Variants in HTT observed in about 807,000 individuals in gnomAD.
HTT encodes huntington disease protein.
HTT carries 104 observed loss-of-function variants against 362.3 expected under a neutral mutation model. The ratio of observed to expected loss-of-function variants is 0.29; its 90% CI spans 0.24 to 0.34. The LOEUF (loss-of-function observed/expected upper bound fraction) is 0.34. HTT is among the 10% of genes least tolerant of loss of function. The pLI is 1.00. For missense variants in HTT, 3,301 were observed against 3,928.6 expected, an observed-to-expected ratio of 0.84 and a Z score of 4.27; for synonymous variants, 1,577 against 1,548.7, an observed-to-expected ratio of 1.02 and a Z score of -0.43.
At chr4:3,153,893 G>A (rs1297493976) in intron 26 of HTT, among the ~76,000 whole-genome samples, 3 of 151,998 alleles carry the variant, frequency 2.0e-5, no homozygotes, top group Non-Finnish European at 4.4e-5. Flanking sequence ...CCCATCCTGG[G>A]TGACGAGTGA....
intron 1 of HTT, among the ~76,000 whole-genome samples, chr4:3,076,798 G>T (rs1432829398): frequency 6.6e-6 from 1 of 152,112 alleles, no homozygotes; most frequent in Non-Finnish European, 1.5e-5. Flanking sequence ...CAAAATATGG[G>T]TATCAAGAAA....
At chr4:3,095,922 G>A (rs963679262) in intron 2 of HTT, among the ~76,000 whole-genome samples, 1 of 152,170 alleles carries the variant, frequency 6.6e-6, no homozygotes, top group Non-Finnish European at 1.5e-5. Flanking sequence ...ACATGTAAAA[G>A]GCAGCGATTT....
rs1718462865 is a variant in HTT, at chr4:3,180,500, CT to C, written c.4613-11del. On this transcript the variant is annotated splice_polypyrimidine_tract_variant and intron_variant, in intron 35 of 66. Coordinates refer to ENST00000355072, the MANE Select transcript of HTT (RefSeq NM_001388492.1). ...CCATGAAATGCCTGATAAGGGTACC[CT>C]TTTGTCCCCACAGCCATACCGGCTC... 5.7e-6 allele frequency: 9 copies of C among 1,575,904 alleles called. No individual in the cohort carries two copies. In the South Asian group the frequency reaches 8.3e-5, roughly 14 times the overall value.
rs774168210 is a variant in HTT at position 3,140,615 on chromosome 4, G to C, written c.2904G>C (p.Glu968Asp). The change falls in exon 22 of 67, where the codon GAG becomes GAC. Residue 968 changes from glutamate (E) to aspartate (D), a missense_variant. By Grantham distance (45) the Glu-to-Asp change is conservative. This residue lies in a region of HTT where 2,316 missense variants were observed against 2,658.5 expected (regional missense o/e 0.87). Transcript: ENST00000355072. ...TTTACCTGAAACTTCTCATGCATGA[G>C]ACGCAGCCTCCATCTCATTTCTCCG... ...SSVYLKLLMH[E>D]TQPPSHFSVS... 7 of 1,614,208 alleles carry C rather than the reference G, an allele frequency of 4.3e-6. No homozygotes were observed. The East Asian group carries it at 1.6e-4, about 36-fold the overall frequency.
chr4:3,238,433 G>A lies in HTT; in HGVS notation c.8892-14G>A, dbSNP rs746320234. ...GAGCTGGTGCCAGTCTCTGACCTGCGTCCCTCCTCCCAGGATCAGGAAAGG... is the reference window on the plus strand; with the variant it reads ...GAGCTGGTGCCAGTCTCTGACCTGCATCCCTCCTCCCAGGATCAGGAAAGG... On this transcript the variant is annotated splice_polypyrimidine_tract_variant and intron_variant, in intron 64 of 66. Coordinates refer to ENST00000355072, the MANE Select transcript of HTT (RefSeq NM_001388492.1). The A allele has an allele frequency of 1.7e-5, 28 of 1,600,576 alleles. No homozygotes were observed. The highest frequency in any genetic ancestry group is 3.4e-5 in the South Asian group (3 of 88,258).
intron 37 of HTT, among the ~76,000 whole-genome samples, chr4:3,185,434 C>T (rs1385747196): frequency 1.3e-5 from 2 of 152,072 alleles, no homozygotes; most frequent in Non-Finnish European, 2.9e-5. Flanking sequence ...AAGATGTGGC[C>T]AGTGTTGTGA....
chr4:3,154,072 A>C (rs183765732), intron 26 of HTT, among the ~76,000 whole-genome samples: 21 of 152,246 alleles, frequency 1.4e-4, no homozygotes, highest in African/African-American at 4.8e-4. Flanking sequence ...CCTGTTAGGA[A>C]GTTGTGGGCC....
At chr4:3,078,814 A>G (rs1454936795) in intron 1 of HTT, among the ~76,000 whole-genome samples, 1 of 149,926 alleles carries the variant, frequency 6.7e-6, no homozygotes, top group Non-Finnish European at 1.5e-5. Flanking sequence ...AGCTCACTGC[A>G]AGCTCCGCTT....
At chr4:3,182,188 G>GT (rs1177234719) in intron 36 of HTT, among the ~76,000 whole-genome samples, 166 bp from the exon 37 acceptor site, 1 of 152,202 alleles carries the variant, frequency 6.6e-6, no homozygotes, top group Non-Finnish European at 1.5e-5. Context: ...CATTTCTCAT[G>GT]TCATAGAGTG....
intron 2 of HTT, among the ~76,000 whole-genome samples, chr4:3,098,694 A>G (rs904217095): frequency 6.6e-6 from 1 of 152,254 alleles, no homozygotes; most frequent in Non-Finnish European, 1.5e-5. Flanking sequence ...GCACAACAAA[A>G]ACACAATCTG....
intron 40 of HTT, among the ~76,000 whole-genome samples, chr4:3,197,083 G>A (rs1719289063): frequency 6.6e-6 from 1 of 152,136 alleles, no homozygotes. Context: ...TGATTCTGTG[G>A]AGCTGCCCTC....
At chr4:3,205,586 C>T (rs1719818345) in intron 42 of HTT, among the ~76,000 whole-genome samples, 1 of 152,128 alleles carries the variant, frequency 6.6e-6, no homozygotes, top group African/African-American at 2.4e-5. Flanking sequence ...ATCCAAAAAT[C>T]TGAAATCCAA....
At position 3,172,399 on chromosome 4, in the gene HTT, TAA is replaced by T; in HGVS notation, c.3942+3_3942+4del. The T allele has an allele frequency of 6.3e-7, 1 of 1,591,780 alleles. No homozygotes were observed. Among genetic ancestry groups the T allele is most frequent in the Non-Finnish European group, 8.6e-7 (1 of 1,159,566 alleles). On this transcript the variant is annotated splice_donor_region_variant and intron_variant, in intron 30 of 66. Transcript: ENST00000355072. Reference sequence around the variant, plus strand: ...ATGGCAACTGTTTGTGTTCAACAAGTAAGAGCTTCATTCTTTTCCTCTTCTGT... The same window carrying T: ...ATGGCAACTGTTTGTGTTCAACAAGTGAGCTTCATTCTTTTCCTCTTCTGT...
At chr4:3,122,221 T>TCCAG (rs1578515864) in intron 9 of HTT, among the ~76,000 whole-genome samples, 1 of 152,236 alleles carries the variant, frequency 6.6e-6, no homozygotes, top group East Asian at 1.9e-4. Flanking sequence ...AGCAGTGAGC[T>TCCAG]TGGTGGGTCC....
Position 3,206,386 on chromosome 4 carries a change from TA to T in HTT, c.5719-109del. 1 of 784,648 alleles carries T rather than the reference TA, an allele frequency of 1.3e-6. No individual in the cohort carries two copies. The highest frequency in any genetic ancestry group is 2.1e-6 in the Non-Finnish European group (1 of 470,832). 48.6% of individuals were successfully genotyped at this position (784,648 alleles called of 1,614,324 possible). Reference sequence around the variant, plus strand: ...CACTGTATATTTTTAGTGAGGTTTATATTTGGGATGTGTTTTCTCCTTCTTA... The same window carrying T: ...CACTGTATATTTTTAGTGAGGTTTATTTTGGGATGTGTTTTCTCCTTCTTA... On this transcript the variant is annotated intron_variant, in intron 42 of 66. Coordinates refer to ENST00000355072, the MANE Select transcript of HTT (RefSeq NM_001388492.1). This position sits in a 1 kb window ranked among gnomAD's most constrained non-coding sequence, Gnocchi z 4.6.
At chr4:3,129,648 T>C (rs1715705562) in intron 12 of HTT, 1 of 295,708 alleles carries the variant, frequency 3.4e-6, no homozygotes, top group African/African-American at 2.2e-5. Flanking sequence ...TTGTATGGGT[T>C]TTTTCTTTTT....
intron 24 of HTT, among the ~76,000 whole-genome samples, chr4:3,146,361 A>C (rs1053287161): frequency 1.3e-5 from 2 of 152,214 alleles, no homozygotes; most frequent in African/African-American, 2.4e-5. Flanking sequence ...ATATCAGGAA[A>C]ACTAACCACG....
intron 8 of HTT, among the ~76,000 whole-genome samples, chr4:3,120,047 A>G (rs1715220690): frequency 6.6e-6 from 1 of 152,178 alleles, no homozygotes; most frequent in Non-Finnish European, 1.5e-5. Flanking sequence ...TGACCTGTGC[A>G]CTGTGGTTTG....
intron 29 of HTT, among the ~76,000 whole-genome samples, chr4:3,162,749 T>C (rs1464458634): frequency 2.0e-5 from 3 of 152,234 alleles, no homozygotes; most frequent in East Asian, 3.8e-4. Flanking sequence ...TGTATAGGAA[T>C]GCTTGTGATT....
Sources: allele counts gnomAD v4.1 joint callset (sites outside exome capture counted in the v4.1 genomes callset), GRCh38; gene constraint gnomAD v4.1.1; regional missense constraint gnomAD v4.1.1; non-coding constraint Gnocchi (gnomAD v3.1); transcripts MANE v1.5; gene names NCBI Gene and HGNC (gene_info 2026-07-23, HGNC 2026-07-21).